CNTNAP2: variants seen among roughly 807,000 people sequenced by gnomAD.
CNTNAP2 encodes the protein contactin associated protein 2, also known as contactin-associated protein-like 2.
Under a neutral mutation model 155.2 loss-of-function variants are expected in CNTNAP2, and 98 were observed. The observed-to-expected ratio is 0.63, with a 90% confidence interval of 0.54 to 0.75. The LOEUF (loss-of-function observed/expected upper bound fraction) is 0.75. Ranked by LOEUF, CNTNAP2 falls within the 30% of genes least tolerant of loss-of-function variation. CNTNAP2 has a pLI of 0.00. For missense variants in CNTNAP2, 1,727 were observed against 1,688.1 expected (o/e 1.02, Z -0.40); for synonymous variants, 651 against 631.2 (o/e 1.03, Z -0.47).
chr7:147,063,784 C>T (rs1481070434), intron 4 of CNTNAP2, among the ~76,000 whole-genome samples: 2 of 151,830 alleles, frequency 1.3e-5, no homozygotes, highest in African/African-American at 4.8e-5. Flanking sequence ...AAAATTAAAA[C>T]CATAGACAGT....
At chr7:148,271,142 T>TTATGCTA (rs1796772069) in intron 21 of CNTNAP2, among the ~76,000 whole-genome samples, 1 of 152,234 alleles carries the variant, frequency 6.6e-6, no homozygotes, top group African/African-American at 2.4e-5. Flanking sequence ...ATGCCGGTTA[T>TTATGCTA]TATGCTATAT....
chr7:147,303,567 A>T (rs1794979631), intron 9 of CNTNAP2, among the ~76,000 whole-genome samples: 1 of 152,240 alleles, frequency 6.6e-6, no homozygotes, highest in Non-Finnish European at 1.5e-5. Flanking sequence ...CTTAAGAAAT[A>T]CTAGTATAGT....
chr7:146,263,775 C>T (rs1244036464), intron 1 of CNTNAP2, among the ~76,000 whole-genome samples: 2 of 152,208 alleles, frequency 1.3e-5, no homozygotes, highest in African/African-American at 2.4e-5. Context: ...CAAAGACAGA[C>T]CTCTAAGTGC....
chr7:147,394,286 T>G (rs999221298), intron 9 of CNTNAP2, among the ~76,000 whole-genome samples: 10 of 152,092 alleles, frequency 6.6e-5, no homozygotes, highest in African/African-American at 1.9e-4. Flanking sequence ...CAACTGTGAG[T>G]CAATTAAACC....
intron 1 of CNTNAP2, among the ~76,000 whole-genome samples, chr7:146,316,628 G>A (rs1391131125): frequency 6.6e-6 from 1 of 152,160 alleles, no homozygotes; most frequent in Non-Finnish European, 1.5e-5. Flanking sequence ...ATGAGAAGTT[G>A]CTAGACTCCA....
In CNTNAP2 at chr7:147,485,918, G is replaced by T; in HGVS notation, c.1671-17G>T. On this transcript the variant is annotated splice_polypyrimidine_tract_variant and intron_variant, in intron 10 of 23. Transcript: ENST00000361727. ...TTTGTTTGTTGGTTTATTTCTGTTT[G>T]TCTCTCTCTCTGACAGATGTGTGCC... is the stretch of plus-strand genomic sequence containing the variant. 6.2e-7 allele frequency: 1 copy of T among 1,610,762 alleles called. No homozygotes were observed. The highest frequency in any genetic ancestry group is 8.5e-7 in the Non-Finnish European group (1 of 1,177,022).
In CNTNAP2 at chr7:146,967,973, A is replaced by T. The variant is rs13234180; in HGVS notation, c.403-75934A>T. ...GTCATAGATAGCTCTTATTATTTTG[A>T]AATACGTCCCATCAATACCTAATTT... On this transcript the variant is annotated intron_variant, in intron 3 of 23. Coordinates refer to ENST00000361727, the MANE Select transcript of CNTNAP2 (RefSeq NM_014141.6). Among the ~76,000 whole-genome samples the T allele has an allele frequency of 5.6e-4, 75 of 134,142 alleles. 1 individual carries two copies. The highest frequency in any genetic ancestry group is 1.7e-3 in the African/African-American group (67 of 39,470). 88.0% of individuals were successfully genotyped at this position (134,142 alleles called of 152,430 possible).
chr7:146,262,538 A>G (rs1219604371), intron 1 of CNTNAP2, among the ~76,000 whole-genome samples: 3 of 152,220 alleles, frequency 2.0e-5, no homozygotes, highest in Non-Finnish European at 4.4e-5. Context: ...GTACAAATCA[A>G]AATTTCTATT....
intron 11 of CNTNAP2, among the ~76,000 whole-genome samples, chr7:147,517,020 C>G (rs1239458050): frequency 6.6e-6 from 1 of 150,890 alleles, no homozygotes; most frequent in Non-Finnish European, 1.5e-5. Context: ...CACCACCACA[C>G]CCAGCTAATT....
At chr7:147,713,953 G>A (rs1021343476) in intron 13 of CNTNAP2, among the ~76,000 whole-genome samples, 1 of 152,060 alleles carries the variant, frequency 6.6e-6, no homozygotes, top group Non-Finnish European at 1.5e-5. Flanking sequence ...GATGCTTAAC[G>A]AATATTTGCA....
intron 3 of CNTNAP2, among the ~76,000 whole-genome samples, chr7:146,998,717 G>C (rs1296244460): frequency 6.6e-6 from 1 of 151,618 alleles, no homozygotes; most frequent in African/African-American, 2.4e-5. Context: ...TCCTATGTTG[G>C]GTGTATATAT....
At chr7:147,368,751 A>G (rs928286160) in intron 9 of CNTNAP2, among the ~76,000 whole-genome samples, 9 of 152,212 alleles carry the variant, frequency 5.9e-5, no homozygotes, top group Non-Finnish European at 1.2e-4. Context: ...TGCCAATCAC[A>G]TCTTTCTAAA....
At chr7:148,293,492 C>G (rs1184164686) in intron 21 of CNTNAP2, among the ~76,000 whole-genome samples, 1 of 152,182 alleles carries the variant, frequency 6.6e-6, no homozygotes, top group Non-Finnish European at 1.5e-5. Context: ...AGGAATTGGT[C>G]TGTAGCCAGT....
chr7:147,460,090 A>G (rs1797994280), intron 10 of CNTNAP2, among the ~76,000 whole-genome samples: 1 of 152,064 alleles, frequency 6.6e-6, no homozygotes, highest in African/African-American at 2.4e-5. Flanking sequence ...GTGTATACCT[A>G]TGTAACAAAC....
At chr7:148,318,018 G>A (rs1797721911) in intron 21 of CNTNAP2, among the ~76,000 whole-genome samples, 1 of 152,192 alleles carries the variant, frequency 6.6e-6, no homozygotes, top group Non-Finnish European at 1.5e-5. Context: ...CTTCCTCCAA[G>A]GTGGTGGCAA....
chr7:146,801,032 T>C (rs769171424), intron 2 of CNTNAP2, among the ~76,000 whole-genome samples: 2 of 152,162 alleles, frequency 1.3e-5, no homozygotes, highest in Non-Finnish European at 2.9e-5. Context: ...AAGAAATACC[T>C]GAGGCTGGGT....
At chr7:147,457,493 C>A (rs375292467) in intron 10 of CNTNAP2, among the ~76,000 whole-genome samples, 1 of 98,216 alleles carries the variant, frequency 1.0e-5, no homozygotes, top group Non-Finnish European at 2.0e-5. Context: ...CCCACTGTAG[C>A]GCTTACTGTA....
chr7:146,931,718 G>C (rs1796762201), intron 3 of CNTNAP2, among the ~76,000 whole-genome samples: 1 of 148,390 alleles, frequency 6.7e-6, no homozygotes, highest in Admixed American at 6.7e-5. Context: ...AAAGAGAGAA[G>C]AATCAAATAG....
chr7:146,607,874 T>C (rs1222733855), intron 1 of CNTNAP2, among the ~76,000 whole-genome samples: 1 of 152,162 alleles, frequency 6.6e-6, no homozygotes, highest in Non-Finnish European at 1.5e-5. Context: ...TCCAAAATCT[T>C]CTGAATTTAC....
Sources: allele counts gnomAD v4.1 joint callset (sites outside exome capture counted in the v4.1 genomes callset), GRCh38; gene constraint gnomAD v4.1.1; transcripts MANE v1.5; gene names NCBI Gene and HGNC (gene_info 2026-07-23, HGNC 2026-07-21).